The following PRDM10 variants were observed in gnomAD, a reference collection of about 807,000 sequenced individuals.
The protein encoded by PRDM10 is PR/SET domain 10.
In PRDM10, 65 loss-of-function variants were observed where a neutral mutation model predicts 133.1. That is an observed-to-expected ratio of 0.49 (90% CI 0.40 to 0.60). The LOEUF is 0.60. Among genes scored for constraint, PRDM10 ranks in the 20% least tolerant of loss-of-function variants. PRDM10 has a pLI of 0.00. For missense variants in PRDM10, 1,137 were observed against 1,507.1 expected, an observed-to-expected ratio of 0.75 and a Z score of 4.07; for synonymous variants, 582 against 580.4, an observed-to-expected ratio of 1.00 and a Z score of -0.04.
intron 1 of PRDM10, among the ~76,000 whole-genome samples, chr11:129,962,526 G>C (rs952599212): frequency 5.3e-5 from 8 of 152,194 alleles, no homozygotes; most frequent in African/African-American, 1.7e-4. Flanking sequence ...GGGGGGACTT[G>C]AAAGAATGCC....
intron 20 of PRDM10, among the ~76,000 whole-genome samples, chr11:129,904,350 A>G (rs543415460): frequency 6.6e-5 from 10 of 152,218 alleles, no homozygotes; most frequent in African/African-American, 2.4e-4. Flanking sequence ...CCTGATTAAC[A>G]TATCCATCAA....
At chr11:129,919,811 G>A (rs1459053950) in intron 13 of PRDM10, among the ~76,000 whole-genome samples, 1 of 152,106 alleles carries the variant, frequency 6.6e-6, no homozygotes, top group Non-Finnish European at 1.5e-5. Flanking sequence ...TATTCCTTGA[G>A]GGCCTACCCA....
In PRDM10 at chr11:130,002,794, A is replaced by ACC. The variant is rs200535308; in HGVS notation, c.-193_-192dup. 6.8e-5 allele frequency: 14 copies of ACC among 206,020 alleles called. No individual in the cohort carries two copies. Among genetic ancestry groups the ACC allele is most frequent in the Non-Finnish European group, 1.2e-4 (12 of 100,194 alleles). The allele number at this position is 206,020 out of a possible 1,614,324, so 12.8% of individuals were successfully genotyped here. A position where few individuals can be genotyped will look rare whatever the true frequency, so the allele number is the denominator to read the frequency against. ...CTCTCCCTAGGGGTGATAGAAATCA[A>ACC]CCCCCCCCGCCACCTCCAGGTGGTT... On this transcript the variant is annotated 5_prime_UTR_variant, in exon 1 of 21. Coordinates refer to ENST00000360871, the MANE Select transcript of PRDM10 (RefSeq NM_199437.2).
intron 13 of PRDM10, among the ~76,000 whole-genome samples, chr11:129,921,780 C>A (rs1445455221): frequency 6.6e-6 from 1 of 152,216 alleles, no homozygotes; most frequent in Non-Finnish European, 1.5e-5. Flanking sequence ...CCGTGCTGCT[C>A]TAGACGGTGT....
Position 129,947,059 on chromosome 11 carries a change from G to T in PRDM10, c.520+86C>A. On this transcript the variant is annotated intron_variant, in intron 5 of 20. Transcript: ENST00000360871. This position sits in a 1 kb window ranked among gnomAD's most constrained non-coding sequence, Gnocchi z 4.6. Reference sequence around the variant, plus strand: ...CTGCACACGGAAGGACCTGACGCACGGGAGCTATGTTCACACACACGCACA... The same window carrying T: ...CTGCACACGGAAGGACCTGACGCACTGGAGCTATGTTCACACACACGCACA... 6.5e-7 allele frequency: 1 copy of T among 1,539,596 alleles called. No homozygotes were observed. The highest frequency in any genetic ancestry group is 1.2e-5 in the South Asian group (1 of 81,646).
At chr11:129,931,956 C>T in intron 10 of PRDM10, 146 bp downstream of exon 10, 1 of 1,068,426 alleles carries the variant, frequency 9.4e-7, no homozygotes, top group East Asian at 2.7e-5. Context: ...CTGGCATTAT[C>T]CAATCATTCT....
Position 129,902,276 on chromosome 11 carries a change from A to G in PRDM10, c.*37T>C. On this transcript the variant is annotated 3_prime_UTR_variant, in exon 21 of 21. Coordinates refer to ENST00000360871, the MANE Select transcript of PRDM10 (RefSeq NM_199437.2). ...AGCTTTCAGACTTATGAGAACAGACATGAGGTGGGTGCTGGATTCAAGCTC... is the reference window on the plus strand; with the variant it reads ...AGCTTTCAGACTTATGAGAACAGACGTGAGGTGGGTGCTGGATTCAAGCTC... The G allele has an allele frequency of 6.2e-7, 1 of 1,603,976 alleles. No homozygotes were observed. The highest frequency in any genetic ancestry group is 8.5e-7 in the Non-Finnish European group (1 of 1,172,656).
chr11:129,919,797 C>A (rs1278460913), intron 13 of PRDM10, among the ~76,000 whole-genome samples: 4 of 152,206 alleles, frequency 2.6e-5, no homozygotes, highest in Admixed American at 6.5e-5. Flanking sequence ...ATTTACTCAA[C>A]AAATATTCCT....
chr11:129,997,019 G>A (rs1939100272), intron 1 of PRDM10, among the ~76,000 whole-genome samples: 1 of 152,144 alleles, frequency 6.6e-6, no homozygotes, highest in African/African-American at 2.4e-5. Flanking sequence ...CTTTGCCCCT[G>A]AGGCAACGCT....
chr11:129,990,700 G>A (rs1938689689), intron 1 of PRDM10, among the ~76,000 whole-genome samples: 1 of 151,934 alleles, frequency 6.6e-6, no homozygotes, highest in Non-Finnish European at 1.5e-5. Flanking sequence ...CTAACTCCCG[G>A]CCTCAAAGTG....
At position 129,996,940 on chromosome 11, in the gene PRDM10, GA is replaced by G. The variant is rs1939098155; in HGVS notation, c.-119+5781del. ...AGAAACTAGTTGAAAGAGTTGATAA[GA>G]AAACCAAGGCTTACAGAAGTAACTT... On this transcript the variant is annotated intron_variant, in intron 1 of 20. Transcript: ENST00000360871. Among the ~76,000 whole-genome samples the G allele has an allele frequency of 2.0e-5, 3 of 152,208 alleles. No individual in the cohort carries two copies. The South Asian group carries it at 6.2e-4, about 32-fold the overall frequency.
chr11:129,963,382 G>GAGAGAAGAGAAA (rs1951835155), intron 1 of PRDM10, among the ~76,000 whole-genome samples: 6 of 74,586 alleles, frequency 8.0e-5, no homozygotes, highest in Non-Finnish European at 1.5e-4. Context: ...AAAGAAAAAA[G>GAGAGAAGAGAAA]AGAGAAGAGA....
chr11:129,935,782 C>T (rs1951010158), intron 8 of PRDM10, among the ~76,000 whole-genome samples: 1 of 152,146 alleles, frequency 6.6e-6, no homozygotes, highest in Non-Finnish European at 1.5e-5. Context: ...TTCAAAATAG[C>T]CAAAAACTAG....
At chr11:129,970,249 A>G (rs1445746983) in intron 1 of PRDM10, among the ~76,000 whole-genome samples, 3 of 152,222 alleles carry the variant, frequency 2.0e-5, no homozygotes, top group Non-Finnish European at 1.5e-5. Context: ...AGGACGTTAC[A>G]CTAACCACAC....
In PRDM10 at chr11:129,957,777, A is replaced by T; in HGVS notation, c.203T>A (p.Leu68Gln). ...AGCTTCCACCGGGTGGATGTACACC[A>T]GCGTGTGCTCTGGACCATCCACTGA... ...YTSVDGPEHT[L>Q]VYIHPVEAAQ... The change falls in exon 3 of 21, where the codon CTG becomes CAG. Residue 68 changes from leucine to glutamine, a missense_variant. Physicochemically the swap from Leu to Gln is moderately radical, Grantham distance 113. Transcript: ENST00000360871. The T allele has an allele frequency of 6.2e-7, 1 of 1,614,008 alleles. No homozygotes were observed. Among genetic ancestry groups the T allele is most frequent in the Non-Finnish European group, 8.5e-7 (1 of 1,179,882 alleles).
At chr11:129,924,430 C>T (rs1486819441) in intron 12 of PRDM10, among the ~76,000 whole-genome samples, 3 of 152,268 alleles carry the variant, frequency 2.0e-5, no homozygotes, top group African/African-American at 4.8e-5. Context: ...GCAGTCGGTT[C>T]CTGATACAAA....
intron 18 of PRDM10, among the ~76,000 whole-genome samples, chr11:129,911,877 C>T (rs1181112846): frequency 6.6e-6 from 1 of 152,176 alleles, no homozygotes; most frequent in Non-Finnish European, 1.5e-5. Flanking sequence ...TACCACAGGA[C>T]TCTATGAGGG....
chr11:129,965,629 T>C lies in PRDM10; in HGVS notation c.-118-4547A>G, dbSNP rs528667944. On this transcript the variant is annotated intron_variant, in intron 1 of 20. Transcript: ENST00000360871. ...GATTTCATTTCCAGGAAGAGAATGA[T>C]ATGGTTGCATTTCTATTTTCTCTCT... 7.2e-5 allele frequency among the ~76,000 whole-genome samples: 11 copies of C among 152,294 alleles called. No individual in the cohort carries two copies. The South Asian group carries it at 1.7e-3, about 23-fold the overall frequency.
In PRDM10 at chr11:129,947,422, G is replaced by C; in HGVS notation, c.295-52C>G. 1 of 1,605,698 alleles carries C rather than the reference G, an allele frequency of 6.2e-7. No homozygotes were observed. The highest frequency in any genetic ancestry group is 8.5e-7 in the Non-Finnish European group (1 of 1,173,116). On this transcript the variant is annotated intron_variant, in intron 4 of 20. Transcript: ENST00000360871. This position sits in a 1 kb window ranked among gnomAD's most constrained non-coding sequence, Gnocchi z 4.6. ...AAGCAGACATGGACACCTGCTTTTG[G>C]TTCGCTGGTGCCTGCTGGCACAAAC...
Sources: allele counts gnomAD v4.1 joint callset (sites outside exome capture counted in the v4.1 genomes callset), GRCh38; gene constraint gnomAD v4.1.1; non-coding constraint Gnocchi (gnomAD v3.1); transcripts MANE v1.5; gene names NCBI Gene and HGNC (gene_info 2026-07-23, HGNC 2026-07-21).